The following VPS8 variants were observed in gnomAD, a reference collection of about 807,000 sequenced individuals.
The protein encoded by VPS8 is vacuolar protein sorting-associated protein 8 homolog.
VPS8 carries 129 observed loss-of-function variants against 216.4 expected under a neutral mutation model. The ratio of observed to expected loss-of-function variants is 0.60; its 90% CI spans 0.52 to 0.69. VPS8 has a LOEUF of 0.69. VPS8 is among the 30% of genes least tolerant of loss of function. The pLI is 0.00. For missense variants in VPS8, 1,531 were observed against 1,683.5 expected, an observed-to-expected ratio of 0.91 and a Z score of 1.59; for synonymous variants, 571 against 565.4, an observed-to-expected ratio of 1.01 and a Z score of -0.14.
At chr3:184,823,388 T>TC (rs1210900862) in intron 1 of VPS8, among the ~76,000 whole-genome samples, 4 of 152,284 alleles carry the variant, frequency 2.6e-5, no homozygotes, top group East Asian at 3.9e-4. Context: ...GTCTTTTTTT[T>TC]CTGCCTTCAC....
In VPS8 at chr3:184,921,647, C is replaced by T. The variant is rs376448017; in HGVS notation, c.2454+1449C>T. ...AGAGTGCAGTGGCACGATCTCAGCT[C>T]ACTACTCCTGGGTTCAAGCAATTCT... is the stretch of plus-strand genomic sequence containing the variant. On this transcript the variant is annotated intron_variant, in intron 29 of 47. Transcript: ENST00000625842. 1.6e-4 allele frequency among the ~76,000 whole-genome samples: 25 copies of T among 152,042 alleles called. No homozygotes were observed. The South Asian group carries it at 5.2e-3, about 32-fold the overall frequency.
intron 23 of VPS8, among the ~76,000 whole-genome samples, chr3:184,895,596 T>C: frequency 2.4e-5 from 1 of 41,942 alleles, no homozygotes; most frequent in Non-Finnish European, 4.7e-5. Flanking sequence ...CTGCTCCTCC[T>C]CCTCCCCCCC....
At chr3:184,944,039 T>G (rs997331195) in intron 36 of VPS8, among the ~76,000 whole-genome samples, 1 of 102,148 alleles carries the variant, frequency 9.8e-6, no homozygotes, top group African/African-American at 4.6e-5. Context: ...GAGGCAGAGG[T>G]TGCACACACA....
intron 10 of VPS8, among the ~76,000 whole-genome samples, chr3:184,850,420 G>T (rs1202508248): frequency 6.6e-6 from 1 of 152,196 alleles, no homozygotes; most frequent in South Asian, 2.1e-4. Context: ...TATTGCTGAG[G>T]TGGTGTGCTC....
chr3:184,919,154 A>G (rs1738161307), intron 28 of VPS8: 1 of 152,242 alleles, frequency 6.6e-6, no homozygotes, highest in South Asian at 2.1e-4. Flanking sequence ...GGCCCATTTA[A>G]AGAACAGTAA....
intron 29 of VPS8, 95 bp from the exon 30 acceptor site, chr3:184,924,767 T>G (rs1038092889): frequency 2.7e-5 from 38 of 1,432,908 alleles, no homozygotes; most frequent in Non-Finnish European, 3.1e-5. Context: ...TTACGCGTCT[T>G]CAGTCATGAG....
chr3:184,930,667 G>T (rs1403884028), intron 34 of VPS8, 99 bp downstream of exon 34: 5 of 812,784 alleles, frequency 6.2e-6, no homozygotes, highest in African/African-American at 5.1e-5. Flanking sequence ...ATATTAAGTT[G>T]ATTTAATTTA....
chr3:185,006,849 TC>T (rs1281200286), intron 45 of VPS8, among the ~76,000 whole-genome samples: 1 of 3,756 alleles, frequency 2.7e-4, no homozygotes, highest in Non-Finnish European at 0.015. Context: ...TCAAATGCAG[TC>T]CTTTTGTTTC....
intron 21 of VPS8, among the ~76,000 whole-genome samples, chr3:184,879,001 T>C (rs959737893): frequency 6.6e-6 from 1 of 152,226 alleles, no homozygotes; most frequent in South Asian, 2.1e-4. Context: ...TTTCCTTATC[T>C]GATAGTCTTT....
intron 29 of VPS8, 42 bp from the exon 30 acceptor site, chr3:184,924,820 A>G: frequency 6.4e-7 from 1 of 1,562,712 alleles, no homozygotes; most frequent in Non-Finnish European, 8.6e-7. Context: ...TTTGCATCAA[A>G]CCAAATGGTG....
At chr3:184,903,597 C>T (rs1253294442) in intron 25 of VPS8, among the ~76,000 whole-genome samples, 2 of 151,320 alleles carry the variant, frequency 1.3e-5, no homozygotes, top group African/African-American at 2.4e-5. Context: ...GACTACAGGC[C>T]ACCATGCCCT....
chr3:184,990,586 C>T (rs1751762509), intron 42 of VPS8, among the ~76,000 whole-genome samples: 1 of 152,198 alleles, frequency 6.6e-6, no homozygotes, highest in South Asian at 2.1e-4. Flanking sequence ...TCATGTATCT[C>T]ATGAGAAAAG....
At chr3:184,822,284 T>A (rs1434712101) in intron 1 of VPS8, among the ~76,000 whole-genome samples, 1 of 152,054 alleles carries the variant, frequency 6.6e-6, no homozygotes, top group Non-Finnish European at 1.5e-5. Flanking sequence ...ATTACATTGG[T>A]AAAAGGAGCT....
At chr3:184,960,107 C>T (rs1268166690) in intron 37 of VPS8, among the ~76,000 whole-genome samples, 3 of 151,928 alleles carry the variant, frequency 2.0e-5, no homozygotes, top group East Asian at 1.9e-4. Context: ...TTTGTCCTTG[C>T]GATAGTTTGC....
chr3:184,945,336 C>A (rs1328120155), intron 36 of VPS8, among the ~76,000 whole-genome samples: 2 of 151,774 alleles, frequency 1.3e-5, no homozygotes, highest in Admixed American at 6.6e-5. Flanking sequence ...TACTGAGTAA[C>A]TACAGCATAC....
chr3:184,819,098 T>A (rs941077777), intron 1 of VPS8, among the ~76,000 whole-genome samples: 3 of 152,246 alleles, frequency 2.0e-5, no homozygotes, highest in African/African-American at 4.8e-5. Context: ...AAGTCATTGC[T>A]GTTTATATGG....
intron 8 of VPS8, among the ~76,000 whole-genome samples, chr3:184,843,998 T>G (rs895897688): frequency 6.6e-6 from 1 of 152,194 alleles, no homozygotes; most frequent in African/African-American, 2.4e-5. Flanking sequence ...GAAGGAGAAC[T>G]TGAATTCTGT....
At chr3:184,931,555 T>C (rs988250992) in intron 34 of VPS8, among the ~76,000 whole-genome samples, 4 of 152,128 alleles carry the variant, frequency 2.6e-5, no homozygotes, top group Non-Finnish European at 5.9e-5. Context: ...GGTTGTAAAG[T>C]TTAGAAAGAT....
chr3:185,028,462 G>A (rs1331337348), intron 46 of VPS8, among the ~76,000 whole-genome samples: 1 of 152,098 alleles, frequency 6.6e-6, no homozygotes, highest in Non-Finnish European at 1.5e-5. Flanking sequence ...GATAAACAGG[G>A]GTTCAGACCA....
Sources: allele counts gnomAD v4.1 joint callset (sites outside exome capture counted in the v4.1 genomes callset), GRCh38; gene constraint gnomAD v4.1.1; transcripts MANE v1.5; gene names NCBI Gene and HGNC (gene_info 2026-07-23, HGNC 2026-07-21).